Variants in CR1L observed in about 807,000 individuals in gnomAD.
CR1L encodes the protein complement component receptor 1-like protein.
CR1L carries 59 observed loss-of-function variants against 62.3 expected under a neutral mutation model. That is an observed-to-expected ratio of 0.95 (90% confidence interval 0.77 to 1.18). The LOEUF (loss-of-function observed/expected upper bound fraction) is 1.18, where lower values mean the gene tolerates loss of function less well. CR1L is among the 50% of genes most tolerant of loss of function. CR1L has a pLI of 0.00. For synonymous variants in CR1L, 279 were observed against 248.7 expected, an observed-to-expected ratio of 1.12 and a Z score of -1.15; for missense variants, 700 against 702.8, an observed-to-expected ratio of 1.00 and a Z score of 0.04.
chr1:207,698,380 G>A (rs967984095), intron 7 of CR1L, among the ~76,000 whole-genome samples: 10 of 152,120 alleles, frequency 6.6e-5, no homozygotes, highest in Admixed American at 2.0e-4. Context: ...GTCATATATC[G>A]TCTGGCTAGT....
At chr1:207,657,180 TA>T (rs1249254661) in intron 1 of CR1L, 10 of 1,015,564 alleles carry the variant, frequency 9.8e-6, no homozygotes, top group Non-Finnish European at 1.6e-5. Context: ...TTTAGTGAAG[TA>T]GAAGTATTTG....
chr1:207,694,210 C>T lies in CR1L; in HGVS notation c.464-143C>T, dbSNP rs968936239. ...GGCAGGACACATCATATTATCCCCA[C>T]CAAAATTACAACTTTGTAAAAATGT... On this transcript the variant is annotated intron_variant, in intron 4 of 11. Coordinates refer to ENST00000508064, the MANE Select transcript of CR1L (RefSeq NM_175710.2). 129 of 1,040,640 alleles carry T rather than the reference C, an allele frequency of 1.2e-4. No homozygotes were observed. The African/African-American group carries it at 2.0e-3, about 16-fold the overall frequency. The allele number at this position is 1,040,640 out of a possible 1,614,324, so 64.5% of individuals were successfully genotyped here.
intron 11 of CR1L, among the ~76,000 whole-genome samples, chr1:207,718,094 T>C (rs893493073): frequency 1.3e-5 from 2 of 152,264 alleles, no homozygotes; most frequent in African/African-American, 4.8e-5. Context: ...TGTAATTTAC[T>C]TCAGAACTGA....
At chr1:207,672,776 G>T (rs1379116861) in intron 1 of CR1L, among the ~76,000 whole-genome samples, 1 of 152,126 alleles carries the variant, frequency 6.6e-6, no homozygotes, top group East Asian at 1.9e-4. Context: ...GCTAGGTAAA[G>T]GTGCAAGATA....
rs1461855054 is a variant in CR1L, at chr1:207,683,948, G to A, written c.454G>A (p.Val152Ile). 6.2e-7 allele frequency: 1 copy of A among 1,612,112 alleles called. No individual in the cohort carries two copies. The highest frequency in any genetic ancestry group is 8.5e-7 in the Non-Finnish European group (1 of 1,178,746). Residue 152 changes from valine to isoleucine, a missense_variant, in exon 4 of 12, where the codon GTT becomes ATT. Val to Ile is a conservative substitution (Grantham distance 29, BLOSUM62 3). Transcript: ENST00000508064. ...TGTCATTTGGGATAATAAAACACCTGTTTGTGACAGTGAGTTGAAATATGC... is the reference window on the plus strand; with the variant it reads ...TGTCATTTGGGATAATAAAACACCTATTTGTGACAGTGAGTTGAAATATGC... ...NTVIWDNKTP[V>I]CDRIICGLPP... is the part of the protein sequence containing the mutation.
At chr1:207,713,686 G>A (rs1653888091) in intron 10 of CR1L, among the ~76,000 whole-genome samples, 2 of 152,280 alleles carry the variant, frequency 1.3e-5, no homozygotes, top group South Asian at 4.1e-4. Context: ...CTCCGTGCAA[G>A]GCTTGTGGCT....
chr1:207,645,476 G>T lies in CR1L; in HGVS notation c.97+146G>T, dbSNP rs998403198. 1.0e-5 allele frequency: 9 copies of T among 891,234 alleles called. No homozygotes were observed. The African/African-American group carries it at 1.3e-4, about 13-fold the overall frequency. 55.2% of individuals were successfully genotyped at this position (891,234 alleles called of 1,614,324 possible). Reference sequence around the variant, plus strand: ...GCCAGGGTTCTCCGAGGGGTGCCGTGCTCAGATCCCGGGGGTATGTGGCGG... The same window carrying T: ...GCCAGGGTTCTCCGAGGGGTGCCGTTCTCAGATCCCGGGGGTATGTGGCGG... On this transcript the variant is annotated intron_variant, in intron 1 of 11. Transcript: ENST00000508064.
intron 9 of CR1L, among the ~76,000 whole-genome samples, chr1:207,707,785 T>TACACACACACACACACAC (rs10523807): frequency 0.01 from 1,285 of 126,456 alleles, 5 homozygotes; most frequent in Middle Eastern, 0.024. Context: ...GGCATAGTAT[T>TACACACACACACACACAC]ACACACACAC....
chr1:207,679,544 A>G (rs962750746), intron 3 of CR1L, among the ~76,000 whole-genome samples: 2 of 152,178 alleles, frequency 1.3e-5, no homozygotes, highest in Admixed American at 6.5e-5. Context: ...AGTTTTGTAT[A>G]AAAATAAACA....
chr1:207,675,979 T>C (rs1663684255), intron 1 of CR1L, among the ~76,000 whole-genome samples: 1 of 152,220 alleles, frequency 6.6e-6, no homozygotes, highest in South Asian at 2.1e-4. Flanking sequence ...TGGTGGCTGC[T>C]ACTGAGGGCC....
At chr1:207,674,778 C>T (rs767348736) in intron 1 of CR1L, among the ~76,000 whole-genome samples, 1 of 152,074 alleles carries the variant, frequency 6.6e-6, no homozygotes, top group Non-Finnish European at 1.5e-5. Flanking sequence ...GCATAAGACA[C>T]ATATCAAAAT....
At chr1:207,701,412 T>G in intron 8 of CR1L, 107 bp from the exon 9 acceptor site, 1 of 1,416,910 alleles carries the variant, frequency 7.1e-7, no homozygotes, top group Non-Finnish European at 9.8e-7. Context: ...TGTGGAACTA[T>G]CAGAACTGCG....
intron 4 of CR1L, among the ~76,000 whole-genome samples, chr1:207,685,876 T>C (rs1433659108): frequency 2.0e-5 from 3 of 152,140 alleles, no homozygotes; most frequent in Non-Finnish European, 4.4e-5. Context: ...ATCAGGCTAA[T>C]TTCTCATGCT....
intron 1 of CR1L, among the ~76,000 whole-genome samples, chr1:207,657,977 C>T (rs1263329592): frequency 6.6e-6 from 1 of 152,096 alleles, no homozygotes. Context: ...TAGGAATCAA[C>T]AACAAGGCCA....
At chr1:207,721,676 G>A (rs1203065275) in intron 11 of CR1L, among the ~76,000 whole-genome samples, 1 of 150,468 alleles carries the variant, frequency 6.6e-6, no homozygotes, top group Non-Finnish European at 1.5e-5. Context: ...CTTTATAGCA[G>A]CATGATTTAT....
At chr1:207,658,299 T>C (rs1470984121) in intron 1 of CR1L, among the ~76,000 whole-genome samples, 1 of 62,402 alleles carries the variant, frequency 1.6e-5, no homozygotes, top group Non-Finnish European at 2.7e-5. Flanking sequence ...TCAATGAAAC[T>C]GAGAAGAGAA....
Position 207,645,264 on chromosome 1 carries a change from T to C in CR1L, c.31T>C (p.Phe11Leu), listed in dbSNP as rs776195846. MAPPVRLERPFPSRRFPGLLL... is the reference protein window; with the variant it reads MAPPVRLERPLPSRRFPGLLL... ...GCCTCCCGTCCGTCTCGAGCGTCCC[T>C]TTCCTTCCCGGCGCTTTCCTGGGTT... The change falls in exon 1 of 12, where the codon TTT becomes CTT. Residue 11 changes from phenylalanine (F) to leucine (L), a missense_variant. Coordinates refer to ENST00000508064, the MANE Select transcript of CR1L (RefSeq NM_175710.2). 1.9e-5 allele frequency: 31 copies of C among 1,613,614 alleles called. No individual in the cohort carries two copies. Among genetic ancestry groups the C allele is most frequent in the Non-Finnish European group, 2.5e-5 (29 of 1,180,016 alleles).
chr1:207,687,080 G>A (rs1663922762), intron 4 of CR1L, among the ~76,000 whole-genome samples: 1 of 152,152 alleles, frequency 6.6e-6, no homozygotes, highest in Non-Finnish European at 1.5e-5. Flanking sequence ...ATTAATTCCG[G>A]AACACTTTCA....
intron 1 of CR1L, among the ~76,000 whole-genome samples, chr1:207,648,030 G>A (rs1416894976): frequency 6.6e-6 from 1 of 152,052 alleles, no homozygotes; most frequent in Non-Finnish European, 1.5e-5. Context: ...CAGGTGTGAT[G>A]TTGCATGCCT....
Sources: allele counts gnomAD v4.1 joint callset (sites outside exome capture counted in the v4.1 genomes callset), GRCh38; gene constraint gnomAD v4.1.1; transcripts MANE v1.5; gene names NCBI Gene and HGNC (gene_info 2026-07-23, HGNC 2026-07-21).